The following GSAP variants were observed in gnomAD, a reference collection of about 807,000 sequenced individuals.
GSAP encodes gamma-secretase-activating protein.
A neutral mutation model predicts 131.7 loss-of-function variants in GSAP; 118 were observed. That is an observed-to-expected ratio of 0.90 (90% confidence interval 0.77 to 1.04). The LOEUF (loss-of-function observed/expected upper bound fraction) is 1.04, where lower values mean the gene tolerates loss of function less well. GSAP is among the 50% of genes least tolerant of loss of function. The pLI is 0.00. For synonymous variants in GSAP, 381 were observed against 363.4 expected (o/e 1.05, Z -0.55); for missense variants, 1,019 against 1,013.2 (o/e 1.01, Z -0.08).
At chr7:77,318,124 T>C (rs895825946) in intron 26 of GSAP, among the ~76,000 whole-genome samples, 3 of 152,324 alleles carry the variant, frequency 2.0e-5, no homozygotes, top group Admixed American at 1.3e-4. Context: ...AGAAGCAGCA[T>C]GGATTTTGGA....
At chr7:77,406,139 A>AATAGGAGGATAAT in intron 1 of GSAP, 34 bp from the exon 2 acceptor site, 1 of 1,155,876 alleles carries the variant, frequency 8.7e-7, no homozygotes, top group Non-Finnish European at 1.1e-6. Context: ...TACTCAGCAG[A>AATAGGAGGATAAT]AGATGGTTAA....
At chr7:77,414,497 C>A (rs1803909335) in intron 1 of GSAP, among the ~76,000 whole-genome samples, 1 of 152,254 alleles carries the variant, frequency 6.6e-6, no homozygotes, top group South Asian at 2.1e-4. Context: ...AAAATACTAC[C>A]AGTATCAGAA....
Position 77,360,885 on chromosome 7 carries a change from G to T in GSAP, c.966C>A (p.Phe322Leu). Residue 322 changes from phenylalanine (F) to leucine (L), a missense_variant, in exon 14 of 31, where the codon TTC (phenylalanine) becomes TTA (leucine). Transcript: ENST00000257626. Reference sequence around the variant, plus strand: ...ACCCAACATTCTCAAGAGAAGTGGTGAAGGTCTTGCTGTGTCCTGCAAAGA... The same window carrying T: ...ACCCAACATTCTCAAGAGAAGTGGTTAAGGTCTTGCTGTGTCCTGCAAAGA... ...FYIHKGHSKT[F>L]TTSLENVGSH... 1 of 1,598,830 alleles carries T rather than the reference G, an allele frequency of 6.3e-7. No homozygotes were observed. Among genetic ancestry groups the T allele is most frequent in the Non-Finnish European group, 8.6e-7 (1 of 1,166,388 alleles).
intron 12 of GSAP, among the ~76,000 whole-genome samples, chr7:77,367,741 C>T (rs966763117): frequency 2.6e-5 from 4 of 152,264 alleles, no homozygotes; most frequent in Admixed American, 2.6e-4. Context: ...AGAGTCCATC[C>T]TCCTCAATTT....
chr7:77,412,372 G>T (rs1198737648), intron 1 of GSAP, among the ~76,000 whole-genome samples: 1 of 151,986 alleles, frequency 6.6e-6, no homozygotes, highest in East Asian at 1.9e-4. Context: ...TAAATTCTAG[G>T]TGGATTAAAA....
chr7:77,416,272 G>T lies in GSAP; in HGVS notation c.50C>A (p.Pro17Gln). The stretch of plus-strand genomic sequence containing the variant: ...CACTGCCCGCTGCGCCCGCAACCAC[G>T]GGAGCACGTCCTTCCCGAGGTCGAA... ...ADFDLGKDVL[P>Q]WLRAQRAVSE... Residue 17 changes from proline to glutamine, a missense_variant, in exon 1 of 31, where the codon CCG (proline) becomes CAG (glutamine). Physicochemically the swap from Pro to Gln is moderately conservative, Grantham distance 76. Transcript: ENST00000257626. 6.8e-7 allele frequency: 1 copy of T among 1,475,020 alleles called. No individual in the cohort carries two copies. Among genetic ancestry groups the T allele is most frequent in the Non-Finnish European group, 9.0e-7 (1 of 1,111,800 alleles). 91.4% of individuals were successfully genotyped at this position (1,475,020 alleles called of 1,614,324 possible).
intron 23 of GSAP, among the ~76,000 whole-genome samples, chr7:77,325,814 G>A (rs528184348): frequency 2.6e-5 from 4 of 152,120 alleles, no homozygotes; most frequent in East Asian, 1.9e-4. Context: ...CAGGTGATTC[G>A]CCCACCTTGG....
At chr7:77,328,409 T>G in intron 22 of GSAP, 197 bp downstream of exon 22, 1 of 1,291,312 alleles carries the variant, frequency 7.7e-7, no homozygotes, top group Non-Finnish European at 9.8e-7. Flanking sequence ...ATTCAGCAGC[T>G]GTCCCCGGAG....
At chr7:77,344,240 G>A (rs977937156) in intron 19 of GSAP, among the ~76,000 whole-genome samples, 30 of 152,074 alleles carry the variant, frequency 2.0e-4, no homozygotes, top group African/African-American at 7.2e-4. Context: ...TCAGGCTCTT[G>A]GTATTCAGTG....
At chr7:77,415,008 T>A (rs773457390) in intron 1 of GSAP, among the ~76,000 whole-genome samples, 5 of 151,852 alleles carry the variant, frequency 3.3e-5, no homozygotes, top group Non-Finnish European at 5.9e-5. Flanking sequence ...CAGGAGCGTG[T>A]CACCACGCCC....
chr7:77,375,238 G>C, intron 10 of GSAP, 137 bp from the exon 11 acceptor site: 2 of 529,166 alleles, frequency 3.8e-6, no homozygotes, highest in East Asian at 6.5e-5. Flanking sequence ...TGTCTTCAGA[G>C]GTTATTATAC....
intron 18 of GSAP, chr7:77,350,988 T>G (rs1054853998): frequency 1.5e-5 from 5 of 344,542 alleles, no homozygotes; most frequent in African/African-American, 8.9e-5. Context: ...TAAAAAAAAG[T>G]AGATAAGTAT....
chr7:77,377,349 A>G lies in GSAP; in HGVS notation c.618T>C (p.Ala206=). 1 of 1,587,354 alleles carries G rather than the reference A, an allele frequency of 6.3e-7. No homozygotes were observed. The highest frequency in any genetic ancestry group is 2.3e-5 in the East Asian group (1 of 44,084). ...NSGHLPRDRI[A]EDFVWAQWDM... is the part of the protein sequence containing the mutation. Reference sequence around the variant, plus strand: ...CCCACTGAGCCCAAACGAAATCCTCAGCTATTCTGTCTCTTGGGAGATGGC... The same window carrying G: ...CCCACTGAGCCCAAACGAAATCCTCGGCTATTCTGTCTCTTGGGAGATGGC... Residue 206 remains alanine (A), a synonymous_variant, in exon 9 of 31, where the codon GCT becomes GCC. Coordinates refer to ENST00000257626, the MANE Select transcript of GSAP (RefSeq NM_017439.4).
intron 25 of GSAP, 60 bp downstream of exon 25, chr7:77,321,273 T>G (rs17151683): frequency 9.5e-7 from 1 of 1,049,638 alleles, no homozygotes; most frequent in East Asian, 2.4e-5. Flanking sequence ...AGGGTTTTGC[T>G]ACAACAGAGT....
intron 19 of GSAP, among the ~76,000 whole-genome samples, chr7:77,341,456 C>CG (rs1790886037): frequency 6.6e-6 from 1 of 152,224 alleles, no homozygotes; most frequent in Non-Finnish European, 1.5e-5. Flanking sequence ...TTTCATTCCA[C>CG]GACTAGCCCT....
At chr7:77,317,395 G>A (rs1786996943) in intron 26 of GSAP, among the ~76,000 whole-genome samples, 1 of 148,604 alleles carries the variant, frequency 6.7e-6, no homozygotes, top group Admixed American at 6.7e-5. Context: ...GGGGCTGGGG[G>A]AGGGATAGCA....
At chr7:77,380,641 G>A (rs939335749) in intron 8 of GSAP, among the ~76,000 whole-genome samples, 1 of 152,000 alleles carries the variant, frequency 6.6e-6, no homozygotes, top group African/African-American at 2.4e-5. Context: ...GGTAAGAGGT[G>A]GGGGTAGGAG....
intron 27 of GSAP, 39 bp from the exon 28 acceptor site, chr7:77,313,588 C>G (rs1179338340): frequency 3.1e-6 from 3 of 962,106 alleles, no homozygotes; most frequent in Non-Finnish European, 5.0e-6. Flanking sequence ...AAACAAATAC[C>G]CATTTTGATA....
At chr7:77,365,504 T>C (rs554878656) in intron 12 of GSAP, among the ~76,000 whole-genome samples, 1 of 152,254 alleles carries the variant, frequency 6.6e-6, no homozygotes, top group Non-Finnish European at 1.5e-5. Flanking sequence ...TGTTCCTGCG[T>C]TAGTTTGCTA....
Sources: allele counts gnomAD v4.1 joint callset (sites outside exome capture counted in the v4.1 genomes callset), GRCh38; gene constraint gnomAD v4.1.1; transcripts MANE v1.5; gene names NCBI Gene and HGNC (gene_info 2026-07-23, HGNC 2026-07-21).